Variants in STMN3 observed in about 807,000 individuals in gnomAD.
The protein encoded by STMN3 is stathmin-3.
STMN3 carries 24 observed loss-of-function variants against 23.2 expected under a neutral mutation model. The observed-to-expected ratio is 1.03, with a 90% CI of 0.75 to 1.45. The LOEUF (loss-of-function observed/expected upper bound fraction) is 1.45. STMN3 is among the 40% of genes most tolerant of loss of function. The pLI, the probability that STMN3 is intolerant of heterozygous loss-of-function variation, is 0.00. For missense variants in STMN3, 235 were observed against 237.6 expected (o/e 0.99, Z 0.07); for synonymous variants, 117 against 103.4 (o/e 1.13, Z -0.80).
At position 63,641,178 on chromosome 20, in the gene STMN3, C is replaced by G. The variant is rs2089758180; in HGVS notation, c.*160G>C. 1.4e-6 allele frequency: 1 copy of G among 707,592 alleles called. No homozygotes were observed. Among genetic ancestry groups the G allele is most frequent in the African/African-American group, 1.8e-5 (1 of 57,136 alleles). The allele number at this position is 707,592 out of a possible 1,614,324, so 43.8% of individuals were successfully genotyped here. A position where few individuals can be genotyped will look rare whatever the true frequency, so the allele number is the denominator to read the frequency against. On this transcript the variant is annotated 3_prime_UTR_variant, in exon 5 of 5. Coordinates refer to ENST00000370053, the MANE Select transcript of STMN3 (RefSeq NM_015894.4). Reference sequence around the variant, plus strand: ...GGAAGCCGTGGTCAGCGACTCACCACGAGGACAGGGCAGGGCGGCTGAGTG... The same window carrying G: ...GGAAGCCGTGGTCAGCGACTCACCAGGAGGACAGGGCAGGGCGGCTGAGTG...
At chr20:63,647,991 T>G (rs112604138) in intron 1 of STMN3, among the ~76,000 whole-genome samples, 1 of 75,892 alleles carries the variant, frequency 1.3e-5, no homozygotes, top group African/African-American at 4.9e-5. Flanking sequence ...CATATATATA[T>G]ACAGAGAGAG....
rs935185290 is a variant in STMN3 at position 63,647,883 on chromosome 20, A to T, written c.20-3574T>A. 1.5e-3 allele frequency among the ~76,000 whole-genome samples: 178 copies of T among 117,016 alleles called. 7 individuals are homozygous for T. The highest frequency in any genetic ancestry group is 2.1e-3 in the Non-Finnish European group (108 of 52,544). The allele number at this position is 117,016 out of a possible 152,430, so 76.8% of individuals were successfully genotyped here. Reference sequence around the variant, plus strand: ...ACGTATATATACACGTGTATATATTAATATATATACGTATATATACACGTG... The same window carrying T: ...ACGTATATATACACGTGTATATATTTATATATATACGTATATATACACGTG... On this transcript the variant is annotated intron_variant, in intron 1 of 4. Transcript: ENST00000370053.
rs1569070358 is a variant in STMN3 at position 63,647,975 on chromosome 20, T to C, written c.20-3666A>G. 3.9e-5 allele frequency among the ~76,000 whole-genome samples: 3 copies of C among 77,622 alleles called. 1 individual carries two copies. Among genetic ancestry groups the C allele is most frequent in the Non-Finnish European group, 7.7e-5 (3 of 38,808 alleles). 50.9% of individuals were successfully genotyped at this position (77,622 alleles called of 152,430 possible). On this transcript the variant is annotated intron_variant, in intron 1 of 4. Transcript: ENST00000370053. ...ATATATATATGTATATATATATATATATATACATATATATATACAGAGAGA... is the reference window on the plus strand; with the variant it reads ...ATATATATATGTATATATATATATACATATACATATATATATACAGAGAGA...
chr20:63,642,416 GC>G, intron 3 of STMN3, 117 bp from the exon 4 acceptor site: 1 of 533,202 alleles, frequency 1.9e-6, no homozygotes, highest in Non-Finnish European at 2.8e-6. Flanking sequence ...GCCTCCACCT[GC>G]CCAGGCCTCG....
At chr20:63,651,618 T>A in intron 1 of STMN3, among the ~76,000 whole-genome samples, 1 of 152,188 alleles carries the variant, frequency 6.6e-6, no homozygotes, top group East Asian at 1.9e-4. Flanking sequence ...CTGCTTGACG[T>A]GCGGTGAGCA....
In STMN3 at chr20:63,653,419, T is replaced by C. The variant is rs2089877014; in HGVS notation, c.-74A>G. The C allele has an allele frequency of 6.1e-6, 8 of 1,309,858 alleles. No individual in the cohort carries two copies. In the African/African-American group the frequency reaches 8.7e-5, roughly 14 times the overall value. 81.1% of individuals were successfully genotyped at this position (1,309,858 alleles called of 1,614,324 possible). ...GGCCGGAGCTGCAGACGGCTGGTGC[T>C]GCAGTGCCGGGGAGGGGAGGGGAGA... On this transcript the variant is annotated 5_prime_UTR_variant, in exon 1 of 5. Coordinates refer to ENST00000370053, the MANE Select transcript of STMN3 (RefSeq NM_015894.4).
intron 1 of STMN3, among the ~76,000 whole-genome samples, chr20:63,646,300 T>C (rs1337457199): frequency 5.9e-5 from 9 of 151,708 alleles, no homozygotes; most frequent in Admixed American, 5.9e-4. Flanking sequence ...GGGAGGGAGA[T>C]GGAGGGGGAC....
At chr20:63,645,165 C>T (rs981022596) in intron 1 of STMN3, among the ~76,000 whole-genome samples, 2 of 152,216 alleles carry the variant, frequency 1.3e-5, no homozygotes, top group African/African-American at 2.4e-5. Context: ...CTCCCCTCCT[C>T]CTCCTTCCCA....
At position 63,652,746 on chromosome 20, in the gene STMN3, TC is replaced by T; in HGVS notation, c.19+580del. 1.0e-6 allele frequency: 1 copy of T among 985,696 alleles called. No homozygotes were observed. The allele number at this position is 985,696 out of a possible 1,614,324, so 61.1% of individuals were successfully genotyped here. On this transcript the variant is annotated intron_variant, in intron 1 of 4. Coordinates refer to ENST00000370053, the MANE Select transcript of STMN3 (RefSeq NM_015894.4). This position sits in a 1 kb window ranked among gnomAD's most constrained non-coding sequence, Gnocchi z 5.3. ...GTGGCGCGGGCGTCGCAAAGGGTGG[TC>T]CCCGAGGCCGCAGCGGTGTGGGGGG...
At chr20:63,645,064 CTCTG>C (rs1223828586) in intron 1 of STMN3, among the ~76,000 whole-genome samples, 12 of 152,300 alleles carry the variant, frequency 7.9e-5, no homozygotes, top group East Asian at 3.9e-4. Flanking sequence ...TAGCCCCTGA[CTCTG>C]TCTTTCTCCC....
chr20:63,642,268 G>C lies in STMN3; in HGVS notation c.323C>G (p.Ala108Gly). The C allele has an allele frequency of 6.5e-7, 1 of 1,543,180 alleles. No individual in the cohort carries two copies. Residue 108 changes from alanine (A) to glycine (G), a missense_variant, in exon 4 of 5, where the codon GCG becomes GGG. By Grantham distance (60) the Ala-to-Gly change is moderately conservative (BLOSUM62 0). Coordinates refer to ENST00000370053, the MANE Select transcript of STMN3 (RefSeq NM_015894.4). ...CTCGCGCTCGTGCTCGCGCCGCTCC[G>C]CCAGCTGCTTCAGCACCTGCGCCTC... ...TQEAQVLKQL[A>G]ERREHEREVL...
intron 1 of STMN3, among the ~76,000 whole-genome samples, chr20:63,645,571 A>G (rs2089802711): frequency 6.6e-6 from 1 of 152,228 alleles, no homozygotes; most frequent in Admixed American, 6.5e-5. Context: ...CTGCTGTCAC[A>G]GTGAAAATAA....
intron 1 of STMN3, among the ~76,000 whole-genome samples, chr20:63,651,969 G>A (rs1046786996): frequency 6.6e-6 from 1 of 152,182 alleles, no homozygotes; most frequent in Admixed American, 6.5e-5. Flanking sequence ...AGAGGACGGC[G>A]CTGCCCTCAG....
intron 1 of STMN3, among the ~76,000 whole-genome samples, chr20:63,647,651 T>TGTATATATATAATATATATATAC (rs1569069738): frequency 1.5e-5 from 2 of 134,310 alleles, no homozygotes; most frequent in South Asian, 2.2e-4. Flanking sequence ...TATATATACA[T>TGTATATATATAATATATATATAC]GTATATATAT....
chr20:63,649,049 G>A (rs972409813), intron 1 of STMN3, among the ~76,000 whole-genome samples: 1 of 152,170 alleles, frequency 6.6e-6, no homozygotes, highest in Non-Finnish European at 1.5e-5. Flanking sequence ...TGAGAGGTGA[G>A]GAACTGGGTT....
chr20:63,643,860 C>A lies in STMN3; in HGVS notation c.187G>T (p.Asp63Tyr). 6.3e-7 allele frequency: 1 copy of A among 1,587,760 alleles called. No homozygotes were observed. ...SFEVILKSPS[D>Y]LSPESPMLSS... ...AGCATAGGGCTCTCTGGGGACAGGT[C>A]AGAAGGGGACTTGAGGATGACCTCG... Residue 63 changes from aspartate (D) to tyrosine (Y), a missense_variant, in exon 3 of 5, where the codon GAC becomes TAC. Transcript: ENST00000370053.
At position 63,653,318 on chromosome 20, in the gene STMN3, G is replaced by A; in HGVS notation, c.19+9C>T. On this transcript the variant is annotated intron_variant, in intron 1 of 4. Transcript: ENST00000370053. Reference sequence around the variant, plus strand: ...GCCGCCCCACAAAGCCCGTGGCCCCGGAGCCTACCGGAAATGGTGCTGGCC... The same window carrying A: ...GCCGCCCCACAAAGCCCGTGGCCCCAGAGCCTACCGGAAATGGTGCTGGCC... 2.6e-6 allele frequency: 4 copies of A among 1,546,728 alleles called. No homozygotes were observed. Among genetic ancestry groups the A allele is most frequent in the South Asian group, 1.2e-5 (1 of 83,972 alleles).
chr20:63,653,118 T>A (rs2146125611), intron 1 of STMN3, among the ~76,000 whole-genome samples: 1 of 150,882 alleles, frequency 6.6e-6, no homozygotes, highest in Non-Finnish European at 1.5e-5. Flanking sequence ...TCCCGAGCGC[T>A]CCCCGGCGCG....
At chr20:63,647,500 C>T (rs557480026) in intron 1 of STMN3, among the ~76,000 whole-genome samples, 173 of 150,728 alleles carry the variant, frequency 1.1e-3, no homozygotes, top group African/African-American at 3.8e-3. Context: ...CGTGTAGTCC[C>T]AGCTACTCGG....
Sources: allele counts gnomAD v4.1 joint callset (sites outside exome capture counted in the v4.1 genomes callset), GRCh38; gene constraint gnomAD v4.1.1; non-coding constraint Gnocchi (gnomAD v3.1); transcripts MANE v1.5; gene names NCBI Gene and HGNC (gene_info 2026-07-23, HGNC 2026-07-21).